The following SYN3 variants were observed in gnomAD, a reference collection of about 807,000 sequenced individuals.
SYN3 encodes the protein synapsin III.
In SYN3, 35 loss-of-function variants were observed where a neutral mutation model predicts 65.8. The observed-to-expected ratio is 0.53, with a 90% CI of 0.41 to 0.70. SYN3 has a LOEUF of 0.70. Among genes scored for constraint, SYN3 ranks in the 30% least tolerant of loss-of-function variants. The probability of loss-of-function intolerance (pLI) is 0.00; values close to 1 mark genes in which losing one functional copy is unlikely to be tolerated. For synonymous variants in SYN3, 270 were observed against 292.9 expected (o/e 0.92, Z 0.80); for missense variants, 680 against 749.0 (o/e 0.91, Z 1.08).
At chr22:32,755,725 G>A (rs1458217207) in intron 6 of SYN3, among the ~76,000 whole-genome samples, 3 of 152,092 alleles carry the variant, frequency 2.0e-5, no homozygotes, top group South Asian at 4.1e-4. Flanking sequence ...CATCTACCAT[G>A]GTGGCCCCAG....
At chr22:32,901,542 T>C (rs900681094) in intron 4 of SYN3, among the ~76,000 whole-genome samples, 1 of 152,194 alleles carries the variant, frequency 6.6e-6, no homozygotes, top group East Asian at 1.9e-4. Flanking sequence ...TTGGAGCTCC[T>C]CTCATAATGA....
chr22:33,014,899 T>C (rs182112042), intron 1 of SYN3: 1 of 167,554 alleles, frequency 6.0e-6, no homozygotes, highest in African/African-American at 2.4e-5. Context: ...GCCGGGGAGT[T>C]TTGTTCCGTT....
chr22:32,539,826 CA>C (rs1289813103), intron 8 of SYN3, among the ~76,000 whole-genome samples: 1 of 149,692 alleles, frequency 6.7e-6, no homozygotes, highest in East Asian at 2.0e-4. Context: ...TCGTCAATGT[CA>C]AGTGGAAGCT....
intron 6 of SYN3, among the ~76,000 whole-genome samples, chr22:32,611,815 G>A (rs887151832): frequency 2.0e-5 from 3 of 152,140 alleles, no homozygotes; most frequent in Admixed American, 6.5e-5. Context: ...GGTGCTGGGA[G>A]CATCTTTTGT....
intron 6 of SYN3, among the ~76,000 whole-genome samples, chr22:32,615,281 A>G (rs1158796916): frequency 1.3e-5 from 2 of 152,010 alleles, no homozygotes; most frequent in Admixed American, 1.3e-4. Flanking sequence ...CTAAAAATAC[A>G]AAAATTAGCT....
At position 32,686,367 on chromosome 22, in the gene SYN3, A is replaced by T. The variant is rs201561167; in HGVS notation, c.712-89631T>A. Reference sequence around the variant, plus strand: ...CCATGTGGGGATCTGACGTAGACTGAGTGTTGTACATCTTCTACATCTCCT... The same window carrying T: ...CCATGTGGGGATCTGACGTAGACTGTGTGTTGTACATCTTCTACATCTCCT... On this transcript the variant is annotated intron_variant, in intron 6 of 13. Transcript: ENST00000358763. Among the ~76,000 whole-genome samples the T allele has an allele frequency of 8.1e-4, 119 of 147,496 alleles. 3 individuals carry two copies. The East Asian group carries it at 0.024, about 30-fold the overall frequency.
chr22:32,933,107 T>C (rs2050678532), intron 3 of SYN3, among the ~76,000 whole-genome samples: 2 of 152,332 alleles, frequency 1.3e-5, no homozygotes. Flanking sequence ...GACTTCAACA[T>C]ATGAATTTTG....
rs148522770 is a variant in SYN3 at position 32,894,050 on chromosome 22, G to A, written c.462-24925C>T. Among the ~76,000 whole-genome samples, 22 of 152,258 alleles carry A rather than the reference G, an allele frequency of 1.4e-4. No individual in the cohort carries two copies. In the East Asian group the frequency reaches 4.1e-3, roughly 28 times the overall value. On this transcript the variant is annotated intron_variant, in intron 4 of 13. Transcript: ENST00000358763. ...TCCAACTGGATCGAGTCTTGTTCTA[G>A]GGTAGACAAGATCCTGGGACCCTGT...
At chr22:32,714,708 A>G (rs2061012601) in intron 6 of SYN3, among the ~76,000 whole-genome samples, 1 of 152,144 alleles carries the variant, frequency 6.6e-6, no homozygotes, top group Admixed American at 6.6e-5. Flanking sequence ...CCACCCCACT[A>G]GACATTATAA....
chr22:32,687,225 C>CA (rs2060603125), intron 6 of SYN3, among the ~76,000 whole-genome samples: 1 of 151,722 alleles, frequency 6.6e-6, no homozygotes, highest in Non-Finnish European at 1.5e-5. Context: ...TGCAATGGTG[C>CA]AATCTCGGCT....
intron 6 of SYN3, among the ~76,000 whole-genome samples, chr22:32,649,537 T>C (rs1327138592): frequency 6.6e-6 from 1 of 152,170 alleles, no homozygotes; most frequent in East Asian, 1.9e-4. Flanking sequence ...CAGCTGAGCT[T>C]GGAGGCAACC....
chr22:32,671,479 A>G (rs2060362548), intron 6 of SYN3, among the ~76,000 whole-genome samples: 1 of 151,994 alleles, frequency 6.6e-6, no homozygotes, highest in Admixed American at 6.6e-5. Flanking sequence ...CCACACTTAC[A>G]CACACATGCT....
intron 6 of SYN3, among the ~76,000 whole-genome samples, chr22:32,618,474 C>A (rs990949360): frequency 4.6e-5 from 7 of 152,126 alleles, no homozygotes. Flanking sequence ...GGTGCTTCCT[C>A]CATTTCAGAT....
chr22:32,619,665 C>T (rs879812577), intron 6 of SYN3, among the ~76,000 whole-genome samples: 1 of 152,184 alleles, frequency 6.6e-6, no homozygotes, highest in African/African-American at 2.4e-5. Context: ...GTGTCCATGA[C>T]CTTTACAACA....
At chr22:32,822,703 C>T (rs970933358) in intron 6 of SYN3, among the ~76,000 whole-genome samples, 2 of 152,144 alleles carry the variant, frequency 1.3e-5, no homozygotes, top group East Asian at 3.9e-4. Context: ...GCTAAGGTGT[C>T]ATCAGTGCTG....
intron 6 of SYN3, among the ~76,000 whole-genome samples, chr22:32,817,780 T>C (rs2047126142): frequency 6.6e-6 from 1 of 152,084 alleles, no homozygotes; most frequent in South Asian, 2.1e-4. Context: ...TTGTGGTGAG[T>C]GTGAAGGTGA....
intron 6 of SYN3, among the ~76,000 whole-genome samples, chr22:32,783,408 G>A (rs969806538): frequency 2.0e-5 from 3 of 152,206 alleles, no homozygotes; most frequent in African/African-American, 7.2e-5. Flanking sequence ...TTTTTCAGGA[G>A]AAGCTGGAAA....
At chr22:32,562,359 G>T (rs1042038164) in intron 7 of SYN3, among the ~76,000 whole-genome samples, 2 of 152,190 alleles carry the variant, frequency 1.3e-5, no homozygotes, top group African/African-American at 4.8e-5. Context: ...GCTCATTAAG[G>T]TTTGCTTTTC....
intron 6 of SYN3, among the ~76,000 whole-genome samples, chr22:32,705,500 C>T (rs968354713): frequency 6.6e-6 from 1 of 152,158 alleles, no homozygotes; most frequent in African/African-American, 2.4e-5. Flanking sequence ...ATGCCTCCTG[C>T]TTTGTTCTTT....
Sources: allele counts gnomAD v4.1 joint callset (sites outside exome capture counted in the v4.1 genomes callset), GRCh38; gene constraint gnomAD v4.1.1; transcripts MANE v1.5; gene names NCBI Gene and HGNC (gene_info 2026-07-23, HGNC 2026-07-21).